USP32: variants seen among roughly 807,000 people sequenced by gnomAD.
USP32 encodes the protein ubiquitin carboxyl-terminal hydrolase 32.
Under a neutral mutation model 204.8 loss-of-function variants are expected in USP32, and 59 were observed. That is an observed-to-expected ratio of 0.29 (90% CI 0.23 to 0.36). The LOEUF is 0.36. USP32 is among the 10% of genes least tolerant of loss of function. The pLI is 1.00. For synonymous variants in USP32, 517 were observed against 678.4 expected (o/e 0.76, Z 3.70); for missense variants, 1,160 against 1,946.4 (o/e 0.60, Z 7.60).
intron 2 of USP32, among the ~76,000 whole-genome samples, chr17:60,309,579 G>T (rs2087806934): frequency 1.3e-5 from 2 of 152,204 alleles, no homozygotes; most frequent in South Asian, 4.1e-4. Flanking sequence ...TCCAGTGTGG[G>T]CAATGAAGTG....
At chr17:60,329,694 A>C (rs2088333949) in intron 2 of USP32, among the ~76,000 whole-genome samples, 1 of 152,118 alleles carries the variant, frequency 6.6e-6, no homozygotes, top group Admixed American at 6.6e-5. Flanking sequence ...TTCTATGCAA[A>C]ATATCTAGAA....
At chr17:60,247,819 G>T (rs1229825229) in intron 11 of USP32, among the ~76,000 whole-genome samples, 4 of 152,168 alleles carry the variant, frequency 2.6e-5, no homozygotes, top group Non-Finnish European at 4.4e-5. Flanking sequence ...GAGTAGCTGG[G>T]ACTACAGGCA....
At chr17:60,308,654 G>A (rs1035330541) in intron 2 of USP32, among the ~76,000 whole-genome samples, 3 of 152,340 alleles carry the variant, frequency 2.0e-5, no homozygotes, top group Non-Finnish European at 2.9e-5. Flanking sequence ...TAGGCTGGAT[G>A]CGGTGGCTCA....
chr17:60,417,958 C>CTT (rs770082982), intron 1 of USP32, among the ~76,000 whole-genome samples: 10,841 of 112,636 alleles, frequency 0.096, 1,588 homozygotes, highest in African/African-American at 0.29. Flanking sequence ...TCCGGCTAAT[C>CTT]TTTTTTTTTT....
intron 1 of USP32, among the ~76,000 whole-genome samples, chr17:60,385,204 C>A (rs1173265275): frequency 1.3e-5 from 2 of 152,128 alleles, no homozygotes; most frequent in African/African-American, 4.8e-5. Flanking sequence ...ACCTCGTGAC[C>A]CCCGCCCCTG....
At chr17:60,314,540 GA>G (rs763240233) in intron 2 of USP32, among the ~76,000 whole-genome samples, 5 of 151,332 alleles carry the variant, frequency 3.3e-5, no homozygotes, top group African/African-American at 1.2e-4. Context: ...GTACGGTGAA[GA>G]AAAAGAGCTA....
Position 60,294,783 on chromosome 17 carries a change from G to GA in USP32, c.310dup (p.Ser104PhefsTer3). 6.2e-7 allele frequency: 1 copy of GA among 1,603,882 alleles called. No individual in the cohort carries two copies. Among genetic ancestry groups the GA allele is most frequent in the Non-Finnish European group, 8.5e-7 (1 of 1,173,972 alleles). On this transcript the variant is annotated frameshift_variant, in exon 4 of 34. Transcript: ENST00000300896. LOFTEE classifies it high-confidence loss of function. ...TATAACATAGTTCCCAGATTCACTT[G>GA]AAAAAAGACTAAAAATGTCTAAGAA... is the stretch of plus-strand genomic sequence containing the variant.
intron 16 of USP32, among the ~76,000 whole-genome samples, chr17:60,218,250 G>C (rs192692145): frequency 6.6e-6 from 1 of 152,080 alleles, no homozygotes; most frequent in Non-Finnish European, 1.5e-5. Flanking sequence ...CAGGTGTGGT[G>C]GTGGGCGCCT....
intron 1 of USP32, among the ~76,000 whole-genome samples, chr17:60,419,804 C>G (rs2090092551): frequency 6.9e-6 from 1 of 145,034 alleles, no homozygotes; most frequent in Non-Finnish European, 1.5e-5. Flanking sequence ...ACCTGCAACT[C>G]AAGGTTAAAA....
In USP32 at chr17:60,347,416, C is replaced by T. The variant is rs560971481; in HGVS notation, c.59-1808G>A. Among the ~76,000 whole-genome samples the T allele has an allele frequency of 6.0e-5, 9 of 150,904 alleles. No homozygotes were observed. In the East Asian group the frequency reaches 1.6e-3, roughly 26 times the overall value. On this transcript the variant is annotated intron_variant, in intron 1 of 33. Coordinates refer to ENST00000300896, the MANE Select transcript of USP32 (RefSeq NM_032582.4). ...TCGCCCAGGCAGGAGTGCAGTGGCA[C>T]GATTTCTGCTCACTGCAAGCTCCGC... is the stretch of plus-strand genomic sequence containing the variant.
intron 3 of USP32, chr17:60,301,352 C>T (rs2087568404): frequency 3.6e-6 from 1 of 277,282 alleles, no homozygotes; most frequent in Non-Finnish European, 6.7e-6. Context: ...TCCACATCTT[C>T]CTCAACACTT....
At chr17:60,268,582 C>CAAAAAAAA in intron 7 of USP32, among the ~76,000 whole-genome samples, 1 of 45,456 alleles carries the variant, frequency 2.2e-5, no homozygotes, top group Non-Finnish European at 4.9e-5. Context: ...GACCCTGTCT[C>CAAAAAAAA]AAAAAAAAAA....
chr17:60,298,869 T>C (rs1456754144), intron 3 of USP32, among the ~76,000 whole-genome samples: 1 of 152,180 alleles, frequency 6.6e-6, no homozygotes, highest in African/African-American at 2.4e-5. Flanking sequence ...ATGTTTGTAA[T>C]CCTAGCACTT....
chr17:60,279,787 A>C (rs1322794255), intron 5 of USP32, among the ~76,000 whole-genome samples: 1 of 150,014 alleles, frequency 6.7e-6, no homozygotes, highest in Non-Finnish European at 1.5e-5. Context: ...CAATGAGCCT[A>C]GATAGGGCCA....
chr17:60,367,385 T>C (rs1237083279), intron 1 of USP32, among the ~76,000 whole-genome samples: 1 of 152,206 alleles, frequency 6.6e-6, no homozygotes, highest in African/African-American at 2.4e-5. Flanking sequence ...TGGCTCATGC[T>C]TGTAGTCCCA....
At chr17:60,298,493 A>G (rs2087494977) in intron 3 of USP32, among the ~76,000 whole-genome samples, 1 of 152,224 alleles carries the variant, frequency 6.6e-6, no homozygotes, top group Admixed American at 6.5e-5. Flanking sequence ...AATACCTAAA[A>G]CAATGTGAAT....
intron 11 of USP32, among the ~76,000 whole-genome samples, chr17:60,251,771 T>C (rs1008432228): frequency 1.3e-5 from 2 of 152,146 alleles, no homozygotes; most frequent in African/African-American, 4.8e-5. Context: ...GAGATTTTAT[T>C]AACAAAATTG....
chr17:60,283,200 T>A (rs1274671843), intron 5 of USP32, among the ~76,000 whole-genome samples: 1 of 152,188 alleles, frequency 6.6e-6, no homozygotes, highest in Non-Finnish European at 1.5e-5. Flanking sequence ...TTAGGAGTGA[T>A]GTATATAGTG....
intron 4 of USP32, 87 bp downstream of exon 4, chr17:60,294,594 ATC>A (rs2087378036): frequency 5.3e-6 from 4 of 749,798 alleles, no homozygotes; most frequent in Non-Finnish European, 8.5e-6. Flanking sequence ...GCACATAAAC[ATC>A]TGTTTGTCAT....
Sources: allele counts gnomAD v4.1 joint callset (sites outside exome capture counted in the v4.1 genomes callset), GRCh38; gene constraint gnomAD v4.1.1; transcripts MANE v1.5; gene names NCBI Gene and HGNC (gene_info 2026-07-23, HGNC 2026-07-21).